Variants in SPRTN observed in about 807,000 individuals in gnomAD.
The protein encoded by SPRTN is SprT-like N-terminal domain, also known as DNA-dependent metalloprotease SPRTN.
A neutral mutation model predicts 31.9 loss-of-function variants in SPRTN; 11 were observed. The observed-to-expected ratio is 0.34, with a 90% CI of 0.22 to 0.57. The LOEUF (loss-of-function observed/expected upper bound fraction) is 0.57, where lower values mean the gene tolerates loss of function less well. Among genes scored for constraint, SPRTN ranks in the 20% least tolerant of loss-of-function variants. The pLI, the probability that SPRTN is intolerant of heterozygous loss-of-function variation, is 0.86. For synonymous variants in SPRTN, 185 were observed against 212.1 expected (o/e 0.87, Z 1.11); for missense variants, 482 against 590.1 (o/e 0.82, Z 1.90).
At chr1:231,348,038 A>G in intron 3 of SPRTN, 113 bp downstream of exon 3, 2 of 1,443,814 alleles carry the variant, frequency 1.4e-6, no homozygotes, top group Non-Finnish European at 1.8e-6. Context: ...AGGATTTTCC[A>G]CAGCGAACGA....
intron 4 of SPRTN, 36 bp downstream of exon 4, chr1:231,351,607 C>A (rs1558367807): frequency 6.2e-7 from 1 of 1,605,660 alleles, no homozygotes; most frequent in Non-Finnish European, 8.5e-7. Flanking sequence ...TTTTATGTGA[C>A]CATAGCTATG....
chr1:231,340,047 T>TAAAAAAAAA (rs3071954), intron 2 of SPRTN, 179 bp downstream of exon 2: 2 of 281,250 alleles, frequency 7.1e-6, no homozygotes, highest in African/African-American at 5.1e-5. Flanking sequence ...TGCTTCATAG[T>TAAAAAAAAA]AAAAAAAAAA....
intron 2 of SPRTN, among the ~76,000 whole-genome samples, chr1:231,343,928 C>T (rs566324656): frequency 6.6e-6 from 1 of 152,118 alleles, no homozygotes; most frequent in South Asian, 2.1e-4. Context: ...ATATTTAGGA[C>T]TAGAGGTAGT....
chr1:231,338,338 G>C lies in SPRTN; in HGVS notation c.-46G>C. On this transcript the variant is annotated 5_prime_UTR_variant, in exon 1 of 5. Transcript: ENST00000295050. ...CGGCTTGGGGTCGCGGCGTAACTGGGGAGCCAGCCTGACGCCGGCGGACCC... is the reference window on the plus strand; with the variant it reads ...CGGCTTGGGGTCGCGGCGTAACTGGCGAGCCAGCCTGACGCCGGCGGACCC... 1 of 1,603,962 alleles carries C rather than the reference G, an allele frequency of 6.2e-7. No homozygotes were observed. The highest frequency in any genetic ancestry group is 8.5e-7 in the Non-Finnish European group (1 of 1,173,880).
At chr1:231,340,074 T>G in intron 2 of SPRTN, 1 of 440,010 alleles carries the variant, frequency 2.3e-6, no homozygotes, top group South Asian at 2.6e-5. Flanking sequence ...AAAAAAAGGC[T>G]TCTAGGGGCC....
chr1:231,352,038 T>C (rs1687254958), intron 4 of SPRTN: 2 of 991,614 alleles, frequency 2.0e-6, no homozygotes, highest in Admixed American at 5.8e-5. Flanking sequence ...TATTGATGTA[T>C]GTATGTTCAT....
rs1410689399 is a variant in SPRTN at position 231,353,044 on chromosome 1, G to A, written c.1153G>A (p.Val385Ile). Residue 385 changes from valine to isoleucine, a missense_variant, in exon 5 of 5, where the codon GTA (valine) becomes ATA (isoleucine). Val to Ile is a conservative substitution (Grantham distance 29, BLOSUM62 3). This residue lies in a region of SPRTN where 325 missense variants were observed against 350.2 expected (regional missense o/e 0.93). Transcript: ENST00000295050. ...GATATCCCTAAGAAATTCTTCAAAA[G>A]TAACGGAATCAGCATCTGTGATGCC... Reference protein sequence around the residue: ...SKISLRNSSKVTESASVMPSQ... With the variant: ...SKISLRNSSKITESASVMPSQ... 6.2e-7 allele frequency: 1 copy of A among 1,614,164 alleles called. No individual in the cohort carries two copies. The highest frequency in any genetic ancestry group is 8.5e-7 in the Non-Finnish European group (1 of 1,180,008).
At chr1:231,343,157 A>G (rs994896708) in intron 2 of SPRTN, among the ~76,000 whole-genome samples, 1 of 152,098 alleles carries the variant, frequency 6.6e-6, no homozygotes, top group African/African-American at 2.4e-5. Context: ...TTCGTTGCCT[A>G]GGAGCGGCAG....
chr1:231,352,400 A>G, intron 4 of SPRTN: 1 of 1,228,722 alleles, frequency 8.1e-7, no homozygotes, highest in East Asian at 3.3e-5. Flanking sequence ...AATATGAGAG[A>G]ATTTTTTTTT....
At position 231,352,206 on chromosome 1, in the gene SPRTN, GAGTGAAAGAGCTAT is replaced by G. The variant is rs1255714461; in HGVS notation, c.719-401_719-388del. On this transcript the variant is annotated intron_variant, in intron 4 of 4. Transcript: ENST00000295050. ...TATATTTCCCAAATCTTTAATTATTGAGTGAAAGAGCTATAGATGAATTGATATGGAAAGACCGT... is the reference window on the plus strand; with the variant it reads ...TATATTTCCCAAATCTTTAATTATTGAGATGAATTGATATGGAAAGACCGT... 3 of 991,820 alleles carry G rather than the reference GAGTGAAAGAGCTAT, an allele frequency of 3.0e-6. No homozygotes were observed. In the Admixed American group the frequency reaches 1.8e-4, roughly 59 times the overall value. 61.4% of individuals were successfully genotyped at this position (991,820 alleles called of 1,614,324 possible).
At chr1:231,340,045 A>AG in intron 2 of SPRTN, 177 bp downstream of exon 2, 1 of 440,548 alleles carries the variant, frequency 2.3e-6, no homozygotes. Flanking sequence ...AGTGCTTCAT[A>AG]GTAAAAAAAA....
chr1:231,343,632 A>G (rs1414987493), intron 2 of SPRTN, among the ~76,000 whole-genome samples: 1 of 152,066 alleles, frequency 6.6e-6, no homozygotes, highest in Non-Finnish European at 1.5e-5. Flanking sequence ...CGTCTTTACC[A>G]CAGCCATGCA....
intron 2 of SPRTN, among the ~76,000 whole-genome samples, chr1:231,343,594 A>G (rs1686966905): frequency 6.6e-6 from 1 of 152,056 alleles, no homozygotes; most frequent in African/African-American, 2.4e-5. Context: ...TTGAGCACCT[A>G]TTGTGTGTCA....
chr1:231,345,437 T>G (rs1433427625), intron 2 of SPRTN, among the ~76,000 whole-genome samples: 1 of 152,184 alleles, frequency 6.6e-6, no homozygotes, highest in Non-Finnish European at 1.5e-5. Context: ...CCCCTGTCTT[T>G]TTCATTAATA....
chr1:231,338,344 AGCCTGACGCCGGCGGACCCC>A lies in SPRTN; in HGVS notation c.-34_-15del. 1 of 1,607,020 alleles carries A rather than the reference AGCCTGACGCCGGCGGACCCC, an allele frequency of 6.2e-7. No homozygotes were observed. ...GGGGTCGCGGCGTAACTGGGGAGCC[AGCCTGACGCCGGCGGACCCC>A]GCCTGTGATCCTGGCAACGATGGAT... On this transcript the variant is annotated 5_prime_UTR_variant, in exon 1 of 5. Transcript: ENST00000295050.
At position 231,348,671 on chromosome 1, in the gene SPRTN, C is replaced by T. The variant is rs560819762; in HGVS notation, c.450+746C>T. Among the ~76,000 whole-genome samples the T allele has an allele frequency of 1.3e-4, 20 of 152,270 alleles. No individual in the cohort carries two copies. In the South Asian group the frequency reaches 3.7e-3, roughly 28 times the overall value. On this transcript the variant is annotated intron_variant, in intron 3 of 4. Transcript: ENST00000295050. ...TTCCTCAGGTGTAGCTTCCCTGAGG[C>T]GTGCCACTGCTCTGTTTTGTGTCCG...
At chr1:231,348,663 C>A (rs1281845339) in intron 3 of SPRTN, among the ~76,000 whole-genome samples, 2 of 152,140 alleles carry the variant, frequency 1.3e-5, no homozygotes. Context: ...GGTGTAGCTT[C>A]CCTGAGGCGT....
At chr1:231,340,798 C>CA (rs5781637) in intron 2 of SPRTN, among the ~76,000 whole-genome samples, 81,232 of 146,396 alleles carry the variant, frequency 0.55, 23,018 homozygotes, top group Middle Eastern at 0.64. Context: ...AACTCTGTCT[C>CA]AAAAAAAAAA....
At position 231,346,289 on chromosome 1, in the gene SPRTN, A is replaced by G. The variant is rs543281340; in HGVS notation, c.322-1508A>G. ...CTGCAACCTCTGCCTCCCAGGTTCA[A>G]GCAATTCCCCTGCCTCAGCCTCCTG... On this transcript the variant is annotated intron_variant, in intron 2 of 4. Transcript: ENST00000295050. Among the ~76,000 whole-genome samples, 17 of 149,660 alleles carry G rather than the reference A, an allele frequency of 1.1e-4. No individual in the cohort carries two copies. In the South Asian group the frequency reaches 3.4e-3, roughly 30 times the overall value.
Sources: allele counts gnomAD v4.1 joint callset (sites outside exome capture counted in the v4.1 genomes callset), GRCh38; gene constraint gnomAD v4.1.1; regional missense constraint gnomAD v4.1.1; transcripts MANE v1.5; gene names NCBI Gene and HGNC (gene_info 2026-07-23, HGNC 2026-07-21).